The following HUNK variants were observed in gnomAD, a reference collection of about 807,000 sequenced individuals.
HUNK encodes the protein hormonally up-regulated neu tumor-associated kinase.
In HUNK, 21 loss-of-function variants were observed where a neutral mutation model predicts 61.0. The ratio of observed to expected loss-of-function variants is 0.34; its 90% CI spans 0.24 to 0.50. The LOEUF is 0.50. Ranked by LOEUF, HUNK falls within the 20% of genes least tolerant of loss-of-function variation. The pLI, the probability that HUNK is intolerant of heterozygous loss-of-function variation, is 0.98. For synonymous variants in HUNK, 371 were observed against 386.1 expected (o/e 0.96, Z 0.46); for missense variants, 772 against 945.7 (o/e 0.82, Z 2.41).
chr21:31,953,900 G>T (rs181618959), intron 4 of HUNK, among the ~76,000 whole-genome samples: 3 of 152,152 alleles, frequency 2.0e-5, no homozygotes, highest in South Asian at 2.1e-4. Context: ...GCTCAACCCT[G>T]ACCAGACCTG....
chr21:31,873,479 A>T lies in HUNK; in HGVS notation c.-196A>T. On this transcript the variant is annotated 5_prime_UTR_variant, in exon 1 of 11. Transcript: ENST00000270112. This position sits in a 1 kb window ranked among gnomAD's most constrained non-coding sequence, Gnocchi z 6.1. ...GTCCCCGGTCCCGCGTCCCCTGGGC[A>T]GCCGCTATTGTCTACGCGCCTCGCT... 1 of 236,038 alleles carries T rather than the reference A, an allele frequency of 4.2e-6. No individual in the cohort carries two copies. 14.6% of individuals were successfully genotyped at this position (236,038 alleles called of 1,614,324 possible). A position where few individuals can be genotyped will look rare whatever the true frequency, so the allele number is the denominator to read the frequency against.
chr21:31,968,351 G>T lies in HUNK; in HGVS notation c.976G>T (p.Gly326Cys), dbSNP rs142445657. ...ANRWLNENYT[G>C]KVPCNVTYPN... is the part of the protein sequence containing the mutation. ...TCGCTGGCTTAATGAGAATTACACG[G>T]GCAAAGTGCCCTGTAATGTCACCTA... Residue 326 changes from glycine (G) to cysteine (C), a missense_variant, in exon 6 of 11, where the codon GGC becomes TGC. Gly to Cys is a radical substitution (Grantham distance 159). Around this residue, in one of 2 missense-constraint regions of HUNK, gnomAD observed 359 missense variants for 501.3 expected, o/e 0.72. Coordinates refer to ENST00000270112, the MANE Select transcript of HUNK (RefSeq NM_014586.2). 24 of 1,614,086 alleles carry T rather than the reference G, an allele frequency of 1.5e-5. No homozygotes were observed. Among genetic ancestry groups the T allele is most frequent in the Non-Finnish European group, 1.9e-5 (23 of 1,180,048 alleles).
chr21:31,925,561 A>G (rs1277271660), intron 2 of HUNK, among the ~76,000 whole-genome samples: 2 of 152,222 alleles, frequency 1.3e-5, no homozygotes, highest in Non-Finnish European at 2.9e-5. Flanking sequence ...TAGCAGTTTT[A>G]TTCAATGAAA....
At chr21:31,940,102 C>A in intron 2 of HUNK, 63 bp from the exon 3 acceptor site, 2 of 1,353,448 alleles carry the variant, frequency 1.5e-6, no homozygotes, top group South Asian at 1.3e-5. Flanking sequence ...CCTTCAGAAG[C>A]AAAATGTAAT....
intron 6 of HUNK, among the ~76,000 whole-genome samples, chr21:31,973,981 C>T (rs2053031159): frequency 6.6e-6 from 1 of 152,146 alleles, no homozygotes; most frequent in Non-Finnish European, 1.5e-5. Context: ...CCCTGAACCC[C>T]CCATGTATGA....
intron 1 of HUNK, among the ~76,000 whole-genome samples, chr21:31,892,180 TAGAGAGAGAGAG>T (rs66753649): frequency 0.018 from 2,019 of 109,674 alleles, 88 homozygotes; most frequent in African/African-American, 0.065. Flanking sequence ...TATATATATA[TAGAGAGAGAGAG>T]AGAGAGAGAG....
chr21:31,989,156 C>T (rs759997659), intron 8 of HUNK, among the ~76,000 whole-genome samples: 1 of 152,148 alleles, frequency 6.6e-6, no homozygotes, highest in African/African-American at 2.4e-5. Flanking sequence ...ACCAGTCATA[C>T]TGCATTAGGG....
chr21:31,988,809 C>T, intron 8 of HUNK, among the ~76,000 whole-genome samples: 1 of 149,490 alleles, frequency 6.7e-6, no homozygotes. Flanking sequence ...CTCTCCTCTC[C>T]CCTCGCTTCC....
At chr21:31,974,319 C>T (rs758466409) in intron 6 of HUNK, 7 of 358,486 alleles carry the variant, frequency 2.0e-5, no homozygotes, top group Admixed American at 4.5e-5. Context: ...TAAAATACTT[C>T]AGCAAAAAAA....
intron 1 of HUNK, among the ~76,000 whole-genome samples, chr21:31,920,123 C>G (rs2052613580): frequency 6.6e-6 from 1 of 152,186 alleles, no homozygotes; most frequent in South Asian, 2.1e-4. Context: ...GGCTTGTCGC[C>G]CCTCACCCCA....
intron 1 of HUNK, among the ~76,000 whole-genome samples, chr21:31,879,339 GC>G (rs1362516133): frequency 6.6e-6 from 1 of 152,224 alleles, no homozygotes; most frequent in Admixed American, 6.5e-5. Context: ...TGCTTGGTGA[GC>G]CCTGTGTGAC....
intron 4 of HUNK, among the ~76,000 whole-genome samples, chr21:31,952,532 C>T (rs570983729): frequency 5.9e-5 from 9 of 152,276 alleles, no homozygotes; most frequent in African/African-American, 1.4e-4. Flanking sequence ...AGCGACTTCT[C>T]CAGGGAGCAG....
At chr21:31,922,819 TA>T (rs1339880100) in intron 1 of HUNK, among the ~76,000 whole-genome samples, 1 of 152,248 alleles carries the variant, frequency 6.6e-6, no homozygotes, top group Non-Finnish European at 1.5e-5. Context: ...TACCTCTGTG[TA>T]TGGCATATTG....
intron 6 of HUNK, among the ~76,000 whole-genome samples, chr21:31,969,869 T>G (rs1481429344): frequency 6.6e-6 from 1 of 152,138 alleles, no homozygotes; most frequent in Non-Finnish European, 1.5e-5. Flanking sequence ...CCAAAAACAT[T>G]TCCTTGTATA....
intron 1 of HUNK, among the ~76,000 whole-genome samples, chr21:31,881,262 C>T (rs930725039): frequency 4.6e-5 from 7 of 152,274 alleles, no homozygotes; most frequent in African/African-American, 1.4e-4. Flanking sequence ...CTTTTCCATG[C>T]GCATTTTGGA....
At chr21:31,945,645 A>G (rs1453086957) in intron 3 of HUNK, among the ~76,000 whole-genome samples, 1 of 152,144 alleles carries the variant, frequency 6.6e-6, no homozygotes, top group Non-Finnish European at 1.5e-5. Context: ...CCCACTTGGC[A>G]GCTTGGGAGC....
intron 1 of HUNK, among the ~76,000 whole-genome samples, chr21:31,878,612 G>A (rs2052283572): frequency 6.6e-6 from 1 of 152,176 alleles, no homozygotes; most frequent in Non-Finnish European, 1.5e-5. Context: ...GTGCACACCT[G>A]TAGTCCCAGC....
intron 6 of HUNK, among the ~76,000 whole-genome samples, chr21:31,973,189 G>A (rs538177879): frequency 6.6e-6 from 1 of 151,964 alleles, no homozygotes; most frequent in African/African-American, 2.4e-5. Context: ...ATACTTTTAA[G>A]TTCTAGGGTA....
intron 2 of HUNK, among the ~76,000 whole-genome samples, chr21:31,926,977 C>T (rs2123817991): frequency 6.7e-6 from 1 of 149,650 alleles, no homozygotes; most frequent in Non-Finnish European, 1.5e-5. Context: ...CTTTTTCTTT[C>T]TTTCTTCCTT....
Sources: gnomAD v4.1 joint callset for allele counts (sites outside exome capture counted in the v4.1 genomes callset) on GRCh38, gnomAD v4.1.1 for gene constraint, gnomAD v4.1.1 regional missense constraint, Gnocchi (gnomAD v3.1) non-coding constraint, MANE v1.5 for transcripts, NCBI Gene and HGNC (gene_info 2026-07-23, HGNC 2026-07-21) for gene names.